The following NOTCH3 variants were observed in gnomAD, a reference collection of about 807,000 sequenced individuals.
NOTCH3 encodes the protein notch receptor 3.
In NOTCH3, 86 loss-of-function variants were observed where a neutral mutation model predicts 213.3. The observed-to-expected ratio is 0.40, with a 90% confidence interval of 0.34 to 0.48. The LOEUF is 0.48. Among genes scored for constraint, NOTCH3 ranks in the 20% least tolerant of loss-of-function variants. The pLI is 0.57. For synonymous variants in NOTCH3, 1,354 were observed against 1,355.9 expected (o/e 1.00, Z 0.03); for missense variants, 2,783 against 3,272.6 (o/e 0.85, Z 3.65).
rs139597834 is a variant in NOTCH3 at position 15,192,249 on chromosome 19, G to C, written c.390C>G (p.His130Gln). The C allele has an allele frequency of 6.2e-7, 1 of 1,602,270 alleles. No homozygotes were observed. Among genetic ancestry groups the C allele is most frequent in the Non-Finnish European group, 8.5e-7 (1 of 1,174,926 alleles). ...CGGGCCCCACTGAGCAGCGGGCACC[G>C]TGGGCACAAGGGCTGCTGAGGCAGG... Reference protein sequence around the residue: ...PDPCLSSPCAHGARCSVGPDG... With the variant: ...PDPCLSSPCAQGARCSVGPDG... The change falls in exon 4 of 33, where the codon CAC becomes CAG. Residue 130 changes from histidine to glutamine, a missense_variant. By Grantham distance (24) the His-to-Gln change is conservative. Transcript: ENST00000263388.
chr19:15,177,066 C>T (rs892271377), intron 24 of NOTCH3, among the ~76,000 whole-genome samples: 28 of 98,214 alleles, frequency 2.9e-4, no homozygotes, highest in Non-Finnish European at 5.8e-5. Flanking sequence ...AGCGAGACTC[C>T]GTCTTAAAAA....
Position 15,178,838 on chromosome 19 carries a change from G to A in NOTCH3, c.3822C>T (p.Thr1274=). The A allele has an allele frequency of 6.3e-7, 1 of 1,597,654 alleles. No homozygotes were observed. Among genetic ancestry groups the A allele is most frequent in the East Asian group, 2.3e-5 (1 of 44,288 alleles). ...SPGPGGGLTF[T]CHCAQPFWGP... ...CCACACCTACCTGGGCACAGTGACA[G>A]GTGAAGGTCAGCCCACCCCCAGGAC... Residue 1274 remains threonine (T), a synonymous_variant, in exon 23 of 33, where the codon ACC becomes ACT. Coordinates refer to ENST00000263388, the MANE Select transcript of NOTCH3 (RefSeq NM_000435.3).
In NOTCH3 at chr19:15,192,197, G is replaced by A. The variant is rs1309072625; in HGVS notation, c.442C>T (p.Pro148Ser). ...CGGCAGCTGCGGCCCTGGTAGCCAG[G>A]TGGGCAGGAGCAGAGGAAGCGTCCA... ...PDGRFLCSCP[P>S]GYQGRSCRSD... is the part of the protein sequence containing the mutation. The change falls in exon 4 of 33, where the codon CCT (proline) becomes TCT (serine). Residue 148 changes from proline (P) to serine (S), a missense_variant. Coordinates refer to ENST00000263388, the MANE Select transcript of NOTCH3 (RefSeq NM_000435.3). The A allele has an allele frequency of 2.5e-6, 4 of 1,612,128 alleles. No homozygotes were observed. The highest frequency in any genetic ancestry group is 2.5e-6 in the Non-Finnish European group (3 of 1,179,642).
In NOTCH3 at chr19:15,159,989, T is replaced by G; in HGVS notation, c.*673A>C. On this transcript the variant is annotated 3_prime_UTR_variant, in exon 33 of 33. Transcript: ENST00000263388. ...CCTTCCCCAGCAAGGCTATGGAACATGTCCCATCTGGAATGCAGTGAAGTG... is the reference window on the plus strand; with the variant it reads ...CCTTCCCCAGCAAGGCTATGGAACAGGTCCCATCTGGAATGCAGTGAAGTG... 4.3e-6 allele frequency: 1 copy of G among 233,402 alleles called. No individual in the cohort carries two copies. Among genetic ancestry groups the G allele is most frequent in the Non-Finnish European group, 8.5e-6 (1 of 117,910 alleles). 14.5% of individuals were successfully genotyped at this position (233,402 alleles called of 1,614,324 possible). A position where few individuals can be genotyped will look rare whatever the true frequency, so the allele number is the denominator to read the frequency against.
chr19:15,200,920 A>C lies in NOTCH3; in HGVS notation c.-15T>G, dbSNP rs540139642. 3.2e-6 allele frequency: 1 copy of C among 312,338 alleles called. No homozygotes were observed. The highest frequency in any genetic ancestry group is 2.3e-5 in the African/African-American group (1 of 43,792). 19.3% of individuals were successfully genotyped at this position (312,338 alleles called of 1,614,324 possible). A position where few individuals can be genotyped will look rare whatever the true frequency, so the allele number is the denominator to read the frequency against. On this transcript the variant is annotated 5_prime_UTR_variant, in exon 1 of 33. Transcript: ENST00000263388. ...CCCGGCCCCATGGCGGCCGGCCGCGACCCTCCCCTCCTCCCTCCTTCCCTG... is the reference window on the plus strand; with the variant it reads ...CCCGGCCCCATGGCGGCCGGCCGCGCCCCTCCCCTCCTCCCTCCTTCCCTG...
At chr19:15,169,794 T>G (rs1208353498) in intron 28 of NOTCH3, among the ~76,000 whole-genome samples, 2 of 151,102 alleles carry the variant, frequency 1.3e-5, no homozygotes, top group South Asian at 4.2e-4. Flanking sequence ...CCAGGAAGAG[T>G]GCAGGCTGGC....
In NOTCH3 at chr19:15,180,765, C is replaced by A. The variant is rs35769976; in HGVS notation, c.3058G>T (p.Ala1020Ser). 2 of 1,602,176 alleles carry A rather than the reference C, an allele frequency of 1.2e-6. No homozygotes were observed. Among genetic ancestry groups the A allele is most frequent in the Admixed American group, 3.4e-5 (2 of 57,996 alleles). ...QNGGRCVQTG[A>S]YCLCPPGWSG... Reference sequence around the variant, plus strand: ...CATCCAGGGGGACAAAGGCAATAGGCCCCAGTCTGGACGCAGCGACCCCCG... The same window carrying A: ...CATCCAGGGGGACAAAGGCAATAGGACCCAGTCTGGACGCAGCGACCCCCG... The change falls in exon 19 of 33, where the codon GCC becomes TCC. Residue 1020 changes from alanine to serine, a missense_variant. Ala to Ser is a moderately conservative substitution (Grantham distance 99). Coordinates refer to ENST00000263388, the MANE Select transcript of NOTCH3 (RefSeq NM_000435.3).
At chr19:15,191,283 TG>T in intron 6 of NOTCH3, 140 bp downstream of exon 6, 1 of 793,392 alleles carries the variant, frequency 1.3e-6, no homozygotes. Flanking sequence ...TCCGCCCGCC[TG>T]GGCCTCCCAA....
In NOTCH3 at chr19:15,184,409, C is replaced by G; in HGVS notation, c.2452G>C (p.Ala818Pro). 6.2e-7 allele frequency: 1 copy of G among 1,613,758 alleles called. No homozygotes were observed. The highest frequency in any genetic ancestry group is 8.5e-7 in the Non-Finnish European group (1 of 1,179,858). ...QQDVDECAGP[A>P]PCGPHGICTN... ...CAGATACCATGAGGGCCACAGGGTGCGGGGCCAGCACACTCGTCCACATCC... is the reference window on the plus strand; with the variant it reads ...CAGATACCATGAGGGCCACAGGGTGGGGGGCCAGCACACTCGTCCACATCC... Residue 818 changes from alanine (A) to proline (P), a missense_variant, in exon 16 of 33, where the codon GCA (alanine) becomes CCA (proline). Coordinates refer to ENST00000263388, the MANE Select transcript of NOTCH3 (RefSeq NM_000435.3).
intron 31 of NOTCH3, among the ~76,000 whole-genome samples, chr19:15,164,802 T>G (rs2046672411): frequency 1.3e-5 from 2 of 151,934 alleles, no homozygotes; most frequent in Non-Finnish European, 2.9e-5. Flanking sequence ...ACTGTTTTTT[T>G]TTTTTGAGAT....
chr19:15,197,440 C>CGGGG, intron 2 of NOTCH3, 60 bp downstream of exon 2: 7 of 800,694 alleles, frequency 8.7e-6, no homozygotes, highest in East Asian at 2.6e-5. Context: ...GAAGACAAAT[C>CGGGG]GCCCCTCCCC....
At chr19:15,175,692 G>C (rs1257120251) in intron 24 of NOTCH3, among the ~76,000 whole-genome samples, 1 of 150,826 alleles carries the variant, frequency 6.6e-6, no homozygotes, top group African/African-American at 2.4e-5. Flanking sequence ...GGGGTGACCA[G>C]GGAGGTGCTC....
chr19:15,192,513 C>T lies in NOTCH3; in HGVS notation c.204G>A (p.Pro68=), dbSNP rs772468516. 61 of 1,586,284 alleles carry T rather than the reference C, an allele frequency of 3.8e-5. No homozygotes were observed. In the Admixed American group the frequency reaches 5.2e-4, roughly 14 times the overall value. Residue 68 remains proline, a synonymous_variant, in exon 3 of 33, where the codon CCG becomes CCA. Transcript: ENST00000263388. ...LPSREAACLC[P]PGWVGERCQL... ...GACACCGCTCACCCACCCAGCCAGG[C>T]GGGCACCTGTGGGCAGAGATGGCTT...
In NOTCH3 at chr19:15,177,831, C is replaced by G. The variant is rs1408366283; in HGVS notation, c.4097G>C (p.Gly1366Ala). ...CGCCTCGCAGCGCGGCCCGGTCCAG[C>G]CCTGCGCGCAAGCGCAGCGGAAGAA... ...APFFRCACAQ[G>A]WTGPRCEAPA... The change falls in exon 24 of 33, where the codon GGC (glycine) becomes GCC (alanine). Residue 1366 changes from glycine (G) to alanine (A), a missense_variant. Gly to Ala is a moderately conservative substitution (Grantham distance 60). Coordinates refer to ENST00000263388, the MANE Select transcript of NOTCH3 (RefSeq NM_000435.3). The G allele has an allele frequency of 1.6e-6, 2 of 1,223,544 alleles. No homozygotes were observed. Among genetic ancestry groups the G allele is most frequent in the African/African-American group, 1.6e-5 (1 of 63,116 alleles). The allele number at this position is 1,223,544 out of a possible 1,614,324, so 75.8% of individuals were successfully genotyped here.
intron 29 of NOTCH3, 52 bp from the exon 30 acceptor site, chr19:15,166,143 G>A (rs964490714): frequency 2.0e-6 from 3 of 1,528,356 alleles, no homozygotes; most frequent in Admixed American, 1.7e-5. Context: ...GCCTTTTCCA[G>A]GAAATGTTAT....
At chr19:15,170,291 G>A (rs1161581366) in intron 27 of NOTCH3, 40 bp downstream of exon 27, 4 of 1,584,232 alleles carry the variant, frequency 2.5e-6, no homozygotes, top group Non-Finnish European at 1.7e-6. Context: ...GGTTCACAAG[G>A]TCCCCGTAGT....
chr19:15,181,245 C>T (rs1416869820), intron 17 of NOTCH3, 83 bp from the exon 18 acceptor site: 1 of 1,270,184 alleles, frequency 7.9e-7, no homozygotes, highest in Admixed American at 2.0e-5. Context: ...GCTGTTAGCG[C>T]TGGGGACGTC....
Position 15,181,794 on chromosome 19 carries a change from G to C in NOTCH3, c.2574C>G (p.Cys858Trp). The part of the protein sequence containing the change: ...QDINDCDPNP[C>W]LNGGSCQDGV... ...CGTCTTGGCACGAGCCACCGTTCAG[G>C]CATGGGTCTGCGGACAGGAGGAAGG... The change falls in exon 17 of 33, where the codon TGC becomes TGG. Residue 858 changes from cysteine (C) to tryptophan (W), a missense_variant. By Grantham distance (215) the Cys-to-Trp change is radical. Around this residue, in one of 6 missense-constraint regions of NOTCH3, gnomAD observed 861 missense variants for 909.1 expected, o/e 0.95. Coordinates refer to ENST00000263388, the MANE Select transcript of NOTCH3 (RefSeq NM_000435.3). 1 of 1,556,220 alleles carries C rather than the reference G, an allele frequency of 6.4e-7. No homozygotes were observed. The highest frequency in any genetic ancestry group is 8.7e-7 in the Non-Finnish European group (1 of 1,149,954).
chr19:15,181,280 A>C lies in NOTCH3; in HGVS notation c.2793-118T>G, dbSNP rs758451968. On this transcript the variant is annotated intron_variant, in intron 17 of 32. Coordinates refer to ENST00000263388, the MANE Select transcript of NOTCH3 (RefSeq NM_000435.3). ...CCCACTCCCTGACCCTTATCTCGGC[A>C]AGAAGCTGCAGCCCCAGCAGAAGCC... The C allele has an allele frequency of 7.6e-4, 698 of 913,322 alleles. 2 individuals carry two copies. The highest frequency in any genetic ancestry group is 9.4e-4 in the Non-Finnish European group (536 of 572,922). The allele number at this position is 913,322 out of a possible 1,614,324, so 56.6% of individuals were successfully genotyped here.
Sources: gnomAD v4.1 joint callset for allele counts (sites outside exome capture counted in the v4.1 genomes callset) on GRCh38, gnomAD v4.1.1 for gene constraint, gnomAD v4.1.1 regional missense constraint, MANE v1.5 for transcripts, NCBI Gene and HGNC (gene_info 2026-07-23, HGNC 2026-07-21) for gene names.